The following GALNT13 variants were observed in gnomAD, a reference collection of about 807,000 sequenced individuals.
GALNT13 encodes UDP-GalNAc:polypeptide N-acetylgalactosaminyltransferase 13.
GALNT13 carries 28 observed loss-of-function variants against 64.2 expected under a neutral mutation model. The ratio of observed to expected loss-of-function variants is 0.44; its 90% confidence interval spans 0.32 to 0.60. The LOEUF (loss-of-function observed/expected upper bound fraction) is 0.60. Ranked by LOEUF, GALNT13 falls within the 20% of genes least tolerant of loss-of-function variation. The pLI is 0.05. For missense variants in GALNT13, 577 were observed against 669.8 expected (o/e 0.86, Z 1.53); for synonymous variants, 214 against 224.6 (o/e 0.95, Z 0.42).
the GALNT13 span, among the ~76,000 whole-genome samples, chr2:153,600,875 A>C: frequency 5.9e-5 from 9 of 152,014 alleles, no homozygotes; most frequent in African/African-American, 1.7e-4. Context: ...AGCTGTATCT[A>C]ACGCTTAATG....
At chr2:153,323,547 G>A in the GALNT13 span, among the ~76,000 whole-genome samples, 1 of 152,144 alleles carries the variant, frequency 6.6e-6, no homozygotes, top group Non-Finnish European at 1.5e-5. Flanking sequence ...TGGTGTTTTA[G>A]TCATGAAGTC....
the GALNT13 span, among the ~76,000 whole-genome samples, chr2:153,285,817 C>T: frequency 6.6e-6 from 1 of 151,902 alleles, no homozygotes. Context: ...GGTATGAATA[C>T]CAGAAAAGGT....
At chr2:153,718,883 T>C in the GALNT13 span, among the ~76,000 whole-genome samples, 31 of 152,318 alleles carry the variant, frequency 2.0e-4, no homozygotes, top group African/African-American at 7.2e-4. Flanking sequence ...TTAAAGTTTG[T>C]ATCCAAACCG....
chr2:153,250,488 C>A, the GALNT13 span, among the ~76,000 whole-genome samples: 1 of 152,182 alleles, frequency 6.6e-6, no homozygotes, highest in Admixed American at 6.5e-5. Context: ...CCTCAAGGAT[C>A]TAGAACCAGA....
intron 3 of GALNT13, among the ~76,000 whole-genome samples, chr2:154,070,563 T>A (rs1700686682): frequency 6.6e-6 from 1 of 152,020 alleles, no homozygotes; most frequent in South Asian, 2.1e-4. Context: ...AGAAAAATAA[T>A]AAAATGATCT....
At chr2:153,429,721 TTTACC>T in the GALNT13 span, among the ~76,000 whole-genome samples, 2 of 152,108 alleles carry the variant, frequency 1.3e-5, no homozygotes, top group African/African-American at 2.4e-5. Flanking sequence ...ACAAAATTTA[TTTACC>T]TTATATTATT....
intron 10 of GALNT13, among the ~76,000 whole-genome samples, chr2:154,405,091 A>G (rs1478986205): frequency 6.6e-6 from 1 of 152,200 alleles, no homozygotes; most frequent in Non-Finnish European, 1.5e-5. Flanking sequence ...TTATGCTCAT[A>G]AGACAGAGGA....
the GALNT13 span, among the ~76,000 whole-genome samples, chr2:153,105,527 A>G: frequency 6.6e-6 from 1 of 152,196 alleles, no homozygotes; most frequent in Non-Finnish European, 1.5e-5. Flanking sequence ...GGCCAGGGAA[A>G]TCAGGCAGGA....
the GALNT13 span, among the ~76,000 whole-genome samples, chr2:153,084,657 G>A: frequency 1.3e-5 from 2 of 152,174 alleles, no homozygotes; most frequent in Admixed American, 1.3e-4. Context: ...CCCTGCACAA[G>A]CTGTCTTGTC....
chr2:153,900,579 A>G (rs1157450399), intron 1 of GALNT13, among the ~76,000 whole-genome samples: 1 of 151,880 alleles, frequency 6.6e-6, no homozygotes, highest in Non-Finnish European at 1.5e-5. Flanking sequence ...AATCACCTCA[A>G]CTCTCCACGT....
the GALNT13 span, among the ~76,000 whole-genome samples, chr2:153,211,356 T>C: frequency 1.3e-5 from 2 of 152,102 alleles, no homozygotes; most frequent in Non-Finnish European, 2.9e-5. Context: ...TTGGCCAGGA[T>C]AGTCTCGAGC....
intron 3 of GALNT13, among the ~76,000 whole-genome samples, chr2:154,056,511 GT>G (rs555596843): frequency 2.1e-3 from 326 of 152,128 alleles, no homozygotes; most frequent in African/African-American, 7.0e-3. Flanking sequence ...AAACCCTTGA[GT>G]TTTTTTATTC....
the GALNT13 span, among the ~76,000 whole-genome samples, chr2:153,583,147 G>A: frequency 1.6e-3 from 251 of 152,278 alleles, 3 homozygotes; most frequent in African/African-American, 5.5e-3. Flanking sequence ...TGGCGTGGAG[G>A]TCAAGGAGGG....
the GALNT13 span, among the ~76,000 whole-genome samples, chr2:153,081,178 G>T: frequency 1.2e-3 from 181 of 151,388 alleles, 2 homozygotes; most frequent in African/African-American, 4.3e-3. Flanking sequence ...TTTTACTTTG[G>T]TATTTATTGA....
At chr2:154,153,035 C>T (rs1036445654) in intron 4 of GALNT13, among the ~76,000 whole-genome samples, 3 of 152,172 alleles carry the variant, frequency 2.0e-5, no homozygotes, top group East Asian at 1.9e-4. Flanking sequence ...AGTTTTTCTG[C>T]TCTGTTTTTT....
At chr2:153,393,855 G>A in the GALNT13 span, among the ~76,000 whole-genome samples, 1 of 151,730 alleles carries the variant, frequency 6.6e-6, no homozygotes, top group African/African-American at 2.4e-5. Context: ...TCTCCATCCT[G>A]CTAGCCAAGC....
intron 3 of GALNT13, among the ~76,000 whole-genome samples, chr2:153,981,545 A>G (rs2105159596): frequency 6.6e-6 from 1 of 152,128 alleles, no homozygotes; most frequent in Admixed American, 6.5e-5. Flanking sequence ...AAGGACATGA[A>G]CTCATCCTTT....
chr2:154,380,256 G>T (rs1698205200), intron 9 of GALNT13, among the ~76,000 whole-genome samples: 1 of 151,870 alleles, frequency 6.6e-6, no homozygotes, highest in South Asian at 2.1e-4. Context: ...CTTATAAAGG[G>T]TCATATAGCT....
At chr2:153,998,695 T>A (rs1217896882) in intron 3 of GALNT13, among the ~76,000 whole-genome samples, 1 of 152,208 alleles carries the variant, frequency 6.6e-6, no homozygotes, top group Admixed American at 6.5e-5. Flanking sequence ...TTTGGTGTTT[T>A]AGTCATGAAA....
Sources: allele counts gnomAD v4.1 joint callset (sites outside exome capture counted in the v4.1 genomes callset), GRCh38; gene constraint gnomAD v4.1.1; transcripts MANE v1.5; gene names NCBI Gene and HGNC (gene_info 2026-07-23, HGNC 2026-07-21).